VPS13B: variants seen among roughly 807,000 people sequenced by gnomAD.
The protein encoded by VPS13B is intermembrane lipid transfer protein VPS13B.
Under a neutral mutation model 426.4 loss-of-function variants are expected in VPS13B, and 285 were observed. The ratio of observed to expected loss-of-function variants is 0.67; its 90% CI spans 0.61 to 0.74. VPS13B has a LOEUF of 0.74. Ranked by LOEUF, VPS13B falls within the 30% of genes least tolerant of loss-of-function variation. The pLI is 0.00. For missense variants in VPS13B, 4,537 were observed against 4,782.6 expected, an observed-to-expected ratio of 0.95 and a Z score of 1.51; for synonymous variants, 1,676 against 1,676.4, an observed-to-expected ratio of 1.00 and a Z score of 0.01.
At chr8:99,807,421 A>AT (rs35086154) in intron 43 of VPS13B, among the ~76,000 whole-genome samples, 11,820 of 145,758 alleles carry the variant, frequency 0.081, 648 homozygotes, top group African/African-American at 0.16. Flanking sequence ...TTGCCTCATT[A>AT]TTTTTTTTTT....
At chr8:99,301,464 A>G (rs919861110) in intron 19 of VPS13B, among the ~76,000 whole-genome samples, 1 of 151,764 alleles carries the variant, frequency 6.6e-6, no homozygotes, top group African/African-American at 2.4e-5. Flanking sequence ...CAGCTAATTT[A>G]TTTTTAGTAG....
intron 33 of VPS13B, among the ~76,000 whole-genome samples, chr8:99,633,056 A>G (rs1446832355): frequency 1.3e-5 from 2 of 151,998 alleles, no homozygotes; most frequent in African/African-American, 2.4e-5. Context: ...TTGCTTGACC[A>G]TTGTCATCAC....
At chr8:99,021,373 G>A (rs7007494) in intron 2 of VPS13B, among the ~76,000 whole-genome samples, 125,405 of 151,846 alleles carry the variant, frequency 0.83, 52,288 homozygotes, top group South Asian at 0.89. Context: ...CTGTAATCCC[G>A]GCACTTTGGG....
intron 39 of VPS13B, among the ~76,000 whole-genome samples, chr8:99,765,139 G>A (rs573183960): frequency 3.9e-5 from 6 of 152,206 alleles, no homozygotes; most frequent in Non-Finnish European, 7.4e-5. Flanking sequence ...CCAGCTACTC[G>A]GGAAGCTGAG....
At chr8:99,720,759 G>A in intron 38 of VPS13B, 104 bp from the exon 39 acceptor site, 1 of 1,231,152 alleles carries the variant, frequency 8.1e-7, no homozygotes, top group South Asian at 1.4e-5. Context: ...TGACCAACTA[G>A]CTTCTTTATA....
At chr8:99,462,221 T>A (rs984391394) in intron 23 of VPS13B, among the ~76,000 whole-genome samples, 1 of 150,684 alleles carries the variant, frequency 6.6e-6, no homozygotes, top group Admixed American at 6.6e-5. Flanking sequence ...CTATGCACTG[T>A]GTTTTTAGAG....
intron 34 of VPS13B, among the ~76,000 whole-genome samples, chr8:99,655,292 AT>A (rs1250197305): frequency 1.3e-5 from 2 of 152,248 alleles, no homozygotes; most frequent in African/African-American, 2.4e-5. Flanking sequence ...ACTTTTTACA[AT>A]ATGAATAAAG....
chr8:99,699,501 G>C (rs1303786952), intron 35 of VPS13B, 24 bp from the exon 36 acceptor site: 1 of 1,610,902 alleles, frequency 6.2e-7, no homozygotes, highest in Non-Finnish European at 8.5e-7. Context: ...TTCAATAATT[G>C]TTTTCTCTTT....
chr8:99,486,232 ATGTT>A (rs1477116434), intron 25 of VPS13B, among the ~76,000 whole-genome samples: 1 of 151,030 alleles, frequency 6.6e-6, no homozygotes, highest in Non-Finnish European at 1.5e-5. Flanking sequence ...TTAGTTTCTC[ATGTT>A]TGTTTTGGTT....
intron 17 of VPS13B, among the ~76,000 whole-genome samples, chr8:99,264,592 C>A (rs938751428): frequency 2.6e-5 from 4 of 152,032 alleles, no homozygotes; most frequent in African/African-American, 9.7e-5. Context: ...AAGTTTGATG[C>A]CATTCTAATT....
chr8:99,192,435 G>A (rs754537262), intron 16 of VPS13B, among the ~76,000 whole-genome samples: 7 of 152,088 alleles, frequency 4.6e-5, no homozygotes, highest in Non-Finnish European at 1.0e-4. Context: ...GTGTGTCTTG[G>A]TTTTCCCATT....
At position 99,432,816 on chromosome 8, in the gene VPS13B, AGAGGGTC is replaced by A. The variant is rs1817183722; in HGVS notation, c.3210+1155_3210+1161del. On this transcript the variant is annotated intron_variant, in intron 22 of 61. Coordinates refer to ENST00000357162, the MANE Select transcript of VPS13B (RefSeq NM_152564.5). ...GGAGATTATAATATCTTCTTCATGA[AGAGGGTC>A]GAAAATATAGAGTGATAAAGTATAT... 2.0e-5 allele frequency among the ~76,000 whole-genome samples: 3 copies of A among 152,118 alleles called. No homozygotes were observed. The South Asian group carries it at 6.2e-4, about 32-fold the overall frequency.
chr8:99,712,499 T>C (rs1328843182), intron 36 of VPS13B, among the ~76,000 whole-genome samples: 2 of 152,216 alleles, frequency 1.3e-5, no homozygotes, highest in Admixed American at 6.5e-5. Flanking sequence ...TTGGATTCCG[T>C]TGTCACCAGA....
At chr8:99,335,306 C>T (rs1010803828) in intron 19 of VPS13B, among the ~76,000 whole-genome samples, 12 of 152,044 alleles carry the variant, frequency 7.9e-5, no homozygotes, top group Non-Finnish European at 7.4e-5. Context: ...ATCAAAAAAC[C>T]AGCTCCTGGA....
chr8:99,406,346 A>G (rs1466425019), intron 21 of VPS13B, among the ~76,000 whole-genome samples: 3 of 152,168 alleles, frequency 2.0e-5, no homozygotes, highest in Admixed American at 2.0e-4. Context: ...TGTATTAAAT[A>G]CTTGTTGCAT....
chr8:99,112,805 A>G (rs1158384702), intron 6 of VPS13B, among the ~76,000 whole-genome samples: 1 of 152,194 alleles, frequency 6.6e-6, no homozygotes, highest in Non-Finnish European at 1.5e-5. Context: ...GTTATATTAG[A>G]GGAAGGTAAA....
intron 19 of VPS13B, among the ~76,000 whole-genome samples, chr8:99,295,798 A>G (rs1280833763): frequency 2.0e-5 from 3 of 152,166 alleles, no homozygotes; most frequent in Middle Eastern, 3.2e-3. Context: ...GAGGGGAGGT[A>G]TAAGGATTGC....
At chr8:99,420,162 C>T (rs1455466671) in intron 21 of VPS13B, among the ~76,000 whole-genome samples, 1 of 152,250 alleles carries the variant, frequency 6.6e-6, no homozygotes, top group East Asian at 1.9e-4. Context: ...GAAGTGCTTA[C>T]TATGAAAACT....
At position 99,666,929 on chromosome 8, in the gene VPS13B, ATGTACTTTTTACAGGAGC is replaced by A. The variant is rs1295031175; in HGVS notation, c.6046+5448_6046+5465del. ...AAAACCCCATCGTCTCAGCCCAGAA[ATGTACTTTTTACAGGAGC>A]TGTACTTTTGTGTTTCTTAAGATAC... is the stretch of plus-strand genomic sequence containing the variant. On this transcript the variant is annotated intron_variant, in intron 35 of 61. Transcript: ENST00000357162. Among the ~76,000 whole-genome samples the A allele has an allele frequency of 7.9e-5, 12 of 152,286 alleles. No individual in the cohort carries two copies. In the East Asian group the frequency reaches 2.3e-3, roughly 29 times the overall value.
Sources: gnomAD v4.1 joint callset for allele counts (sites outside exome capture counted in the v4.1 genomes callset) on GRCh38, gnomAD v4.1.1 for gene constraint, MANE v1.5 for transcripts, NCBI Gene and HGNC (gene_info 2026-07-23, HGNC 2026-07-21) for gene names.